ETS1: variants seen among roughly 807,000 people sequenced by gnomAD.
ETS1 encodes the protein ETS proto-oncogene 1, transcription factor.
In ETS1, 15 loss-of-function variants were observed where a neutral mutation model predicts 58.6. That is an observed-to-expected ratio of 0.26 (90% confidence interval 0.17 to 0.39). ETS1 has a LOEUF of 0.39. Among genes scored for constraint, ETS1 ranks in the 10% least tolerant of loss-of-function variants. The pLI is 1.00. For synonymous variants in ETS1, 214 were observed against 218.2 expected, an observed-to-expected ratio of 0.98 and a Z score of 0.17; for missense variants, 417 against 610.5, an observed-to-expected ratio of 0.68 and a Z score of 3.34.
chr11:128,474,905 A>G (rs1452722857), intron 8 of ETS1, among the ~76,000 whole-genome samples: 1 of 152,164 alleles, frequency 6.6e-6, no homozygotes, highest in African/African-American at 2.4e-5. Context: ...CTACATTGAG[A>G]CTGTGATGGC....
chr11:128,473,701 C>A (rs939290829), intron 8 of ETS1, among the ~76,000 whole-genome samples: 1 of 152,200 alleles, frequency 6.6e-6, no homozygotes, highest in Admixed American at 6.5e-5. Context: ...GCATCACATG[C>A]AAGTCACCTT....
chr11:128,553,786 C>T (rs1041675085), intron 3 of ETS1, among the ~76,000 whole-genome samples: 1 of 152,030 alleles, frequency 6.6e-6, no homozygotes. Flanking sequence ...CCCCTCCTGT[C>T]AGTGTTCTCT....
At chr11:128,528,670 C>T (rs1041266203) in intron 3 of ETS1, among the ~76,000 whole-genome samples, 6 of 152,120 alleles carry the variant, frequency 3.9e-5, no homozygotes, top group East Asian at 1.9e-4. Flanking sequence ...CTAACATCCC[C>T]GTAACATTTT....
chr11:128,477,379 A>T (rs1862350883), intron 8 of ETS1, among the ~76,000 whole-genome samples: 1 of 152,216 alleles, frequency 6.6e-6, no homozygotes, highest in Non-Finnish European at 1.5e-5. Context: ...CTGCTTTCCA[A>T]AGTACTTTTG....
At chr11:128,550,663 G>C (rs576868071) in intron 3 of ETS1, among the ~76,000 whole-genome samples, 2 of 152,228 alleles carry the variant, frequency 1.3e-5, no homozygotes, top group South Asian at 4.2e-4. Context: ...CCCCAACCTC[G>C]GCCTTCTGTG....
At chr11:128,511,086 G>A (rs941850969) in intron 3 of ETS1, among the ~76,000 whole-genome samples, 1 of 152,070 alleles carries the variant, frequency 6.6e-6, no homozygotes, top group East Asian at 1.9e-4. Context: ...ATGCCTCCTT[G>A]GTACAGTTCT....
intron 3 of ETS1, among the ~76,000 whole-genome samples, chr11:128,504,135 G>A (rs988928997): frequency 9.2e-5 from 14 of 152,142 alleles, no homozygotes; most frequent in African/African-American, 3.1e-4. Flanking sequence ...AGCTTTGAAG[G>A]GAGCATGCTT....
rs796258491 is a variant in ETS1 at position 128,585,313 on chromosome 11, G to A, written c.-15+2175C>T. The stretch of plus-strand genomic sequence containing the variant: ...AAGATAGAAAGGGAGGGAAGGGAGG[G>A]AAGAAGGAAGGAAGGAAGCAAGGAA... On this transcript the variant is annotated intron_variant, in intron 1 of 9. Transcript: ENST00000392668. Among the ~76,000 whole-genome samples the A allele has an allele frequency of 9.6e-3, 758 of 79,142 alleles. 10 individuals carry two copies. The highest frequency in any genetic ancestry group is 0.036 in the African/African-American group (689 of 19,378). 51.9% of individuals were successfully genotyped at this position (79,142 alleles called of 152,430 possible).
At chr11:128,576,204 T>C (rs1197674376) in intron 1 of ETS1, among the ~76,000 whole-genome samples, 1 of 152,128 alleles carries the variant, frequency 6.6e-6, no homozygotes, top group Non-Finnish European at 1.5e-5. Context: ...TGGACAGAAA[T>C]GGATTGCTGC....
At chr11:128,558,997 G>A (rs1864361208) in intron 2 of ETS1, among the ~76,000 whole-genome samples, 1 of 152,162 alleles carries the variant, frequency 6.6e-6, no homozygotes. Context: ...AGAAAATTTT[G>A]ATTCTAAATG....
At chr11:128,519,669 C>T (rs1378700503) in intron 3 of ETS1, among the ~76,000 whole-genome samples, 4 of 152,172 alleles carry the variant, frequency 2.6e-5, no homozygotes, top group African/African-American at 9.7e-5. Flanking sequence ...GCTGAGGTTT[C>T]TTTGCTGAGC....
At chr11:128,493,770 C>T (rs890899437) in intron 3 of ETS1, among the ~76,000 whole-genome samples, 2 of 152,178 alleles carry the variant, frequency 1.3e-5, no homozygotes, top group African/African-American at 2.4e-5. Context: ...TTGTCTTTTT[C>T]GGTTGTGTGA....
intron 1 of ETS1, among the ~76,000 whole-genome samples, chr11:128,580,784 C>T (rs1864854774): frequency 6.6e-6 from 1 of 152,184 alleles, no homozygotes; most frequent in Non-Finnish European, 1.5e-5. Flanking sequence ...ACATCTCAGT[C>T]TTTGTTTCTT....
At chr11:128,487,850 G>A (rs762485132) in intron 5 of ETS1, among the ~76,000 whole-genome samples, 1 of 152,090 alleles carries the variant, frequency 6.6e-6, no homozygotes, top group Non-Finnish European at 1.5e-5. Flanking sequence ...TCATTTTACA[G>A]ACAAGGACAA....
intron 2 of ETS1, among the ~76,000 whole-genome samples, chr11:128,558,632 C>T (rs529397715): frequency 8.4e-6 from 1 of 118,774 alleles, no homozygotes; most frequent in Admixed American, 1.1e-4. Flanking sequence ...GCCTGGGTGA[C>T]AGAGCAATAT....
intron 8 of ETS1, among the ~76,000 whole-genome samples, chr11:128,469,894 A>C (rs9787784): frequency 0.16 from 24,624 of 152,198 alleles, 2,610 homozygotes; most frequent in Non-Finnish European, 0.21. Context: ...AACATTCTAT[A>C]ACTGGCCAAT....
At chr11:128,472,100 C>T (rs984850974) in intron 8 of ETS1, among the ~76,000 whole-genome samples, 17 of 152,104 alleles carry the variant, frequency 1.1e-4, no homozygotes, top group Admixed American at 2.6e-4. Context: ...ATGGAGGTAG[C>T]GGAACAAGTA....
chr11:128,578,881 C>T (rs145375554), intron 1 of ETS1, among the ~76,000 whole-genome samples: 46 of 152,188 alleles, frequency 3.0e-4, no homozygotes, highest in African/African-American at 1.1e-3. Flanking sequence ...CTCTTATTAT[C>T]GTATAATTAA....
intron 1 of ETS1, among the ~76,000 whole-genome samples, chr11:128,582,297 A>G (rs192817541): frequency 6.6e-6 from 1 of 152,322 alleles, no homozygotes; most frequent in East Asian, 1.9e-4. Flanking sequence ...AGTTTCCTCA[A>G]CTATAAAATG....
Sources: gnomAD v4.1 joint callset for allele counts (sites outside exome capture counted in the v4.1 genomes callset) on GRCh38, gnomAD v4.1.1 for gene constraint, MANE v1.5 for transcripts, NCBI Gene and HGNC (gene_info 2026-07-23, HGNC 2026-07-21) for gene names.